The following RBFOX1 variants were observed in gnomAD, a reference collection of about 807,000 sequenced individuals.
RBFOX1 encodes the protein RNA binding protein fox-1 homolog 1.
RBFOX1 carries 8 observed loss-of-function variants against 57.7 expected under a neutral mutation model. The ratio of observed to expected loss-of-function variants is 0.14; its 90% CI spans 0.08 to 0.25. RBFOX1 has a LOEUF of 0.25. Ranked by LOEUF, RBFOX1 falls within the 10% of genes least tolerant of loss-of-function variation. The pLI is 1.00. For missense variants in RBFOX1, 611 were observed against 548.5 expected (o/e 1.11, Z -1.14); for synonymous variants, 326 against 222.4 (o/e 1.47, Z -4.15).
intron 3 of RBFOX1, among the ~76,000 whole-genome samples, chr16:6,682,052 A>G (rs1325825512): frequency 6.6e-6 from 1 of 152,130 alleles, no homozygotes; most frequent in Non-Finnish European, 1.5e-5. Context: ...GCTCATATCT[A>G]CTGGATCCAG....
chr16:6,981,449 T>A (rs1356643893), intron 3 of RBFOX1, among the ~76,000 whole-genome samples: 2 of 152,234 alleles, frequency 1.3e-5, no homozygotes, highest in African/African-American at 2.4e-5. Context: ...GGATGCATAG[T>A]ATTCCATGGT....
chr16:6,338,280 G>A (rs1405301890), intron 2 of RBFOX1, among the ~76,000 whole-genome samples: 5 of 152,146 alleles, frequency 3.3e-5, no homozygotes. Context: ...ATAAGCTTTT[G>A]AAGGGATTAT....
At chr16:5,849,950 T>A (rs1171683601) in intron 3 of RBFOX1, among the ~76,000 whole-genome samples, 1 of 152,200 alleles carries the variant, frequency 6.6e-6, no homozygotes, top group Non-Finnish European at 1.5e-5. Flanking sequence ...TTCGGATTTG[T>A]TTTCCTTTGC....
At chr16:6,942,324 C>A (rs1054953783) in intron 3 of RBFOX1, among the ~76,000 whole-genome samples, 1 of 152,138 alleles carries the variant, frequency 6.6e-6, no homozygotes, top group Non-Finnish European at 1.5e-5. Context: ...CACACCACCA[C>A]GCTCAGCTAA....
chr16:7,637,371 A>G lies in RBFOX1; in HGVS notation c.757+6688A>G, dbSNP rs142707716. Among the ~76,000 whole-genome samples, 93 of 152,260 alleles carry G rather than the reference A, an allele frequency of 6.1e-4. 2 individuals are homozygous for G. Among genetic ancestry groups the G allele is most frequent in the African/African-American group, 1.5e-3 (62 of 41,542 alleles). On this transcript the variant is annotated intron_variant, in intron 11 of 15. Transcript: ENST00000550418. ...ATCAATTCCTCATTTATTGACTTCT[A>G]TGAAACTCAAGGGCAGGTGGTAGGG...
intron 4 of RBFOX1, among the ~76,000 whole-genome samples, chr16:7,398,769 G>C (rs1299157473): frequency 6.6e-6 from 1 of 152,326 alleles, no homozygotes; most frequent in Non-Finnish European, 1.5e-5. Flanking sequence ...GCCCCATGTG[G>C]CTGGGGGCCA....
At chr16:7,390,296 A>G (rs539651136) in intron 4 of RBFOX1, among the ~76,000 whole-genome samples, 1 of 152,198 alleles carries the variant, frequency 6.6e-6, no homozygotes, top group Non-Finnish European at 1.5e-5. Flanking sequence ...GGGTCTAGAA[A>G]GGTAAACCAA....
chr16:7,366,490 A>G (rs2097451417), intron 4 of RBFOX1, among the ~76,000 whole-genome samples: 1 of 152,154 alleles, frequency 6.6e-6, no homozygotes, highest in East Asian at 1.9e-4. Flanking sequence ...ACCCTCCAGG[A>G]CAGACAGGCT....
chr16:6,434,675 C>G (rs187431602), intron 2 of RBFOX1, among the ~76,000 whole-genome samples: 4 of 152,322 alleles, frequency 2.6e-5, no homozygotes. Flanking sequence ...ATAAACACAT[C>G]TTCTCAGGTC....
intron 2 of RBFOX1, among the ~76,000 whole-genome samples, chr16:6,473,778 G>T (rs746539266): frequency 6.6e-6 from 1 of 152,170 alleles, no homozygotes; most frequent in Non-Finnish European, 1.5e-5. Flanking sequence ...GCTAGAGGCT[G>T]TTTGCGTGGG....
At chr16:5,417,731 A>C (rs1004140366) in intron 1 of RBFOX1, among the ~76,000 whole-genome samples, 5 of 152,186 alleles carry the variant, frequency 3.3e-5, no homozygotes, top group Non-Finnish European at 5.9e-5. Flanking sequence ...ATGTTGAATG[A>C]ATAGGTCCAG....
At chr16:6,879,425 C>G (rs1310507910) in intron 3 of RBFOX1, among the ~76,000 whole-genome samples, 1 of 152,148 alleles carries the variant, frequency 6.6e-6, no homozygotes, top group Non-Finnish European at 1.5e-5. Flanking sequence ...TTAGAATTTT[C>G]CCTTTACTTT....
In RBFOX1 at chr16:5,765,638, A is replaced by T. The variant is rs894966603; in HGVS notation, c.319-101665A>T. Among the ~76,000 whole-genome samples, 13 of 152,170 alleles carry T rather than the reference A, an allele frequency of 8.5e-5. 1 individual carries two copies. The East Asian group carries it at 2.5e-3, about 29-fold the overall frequency. Reference sequence around the variant, plus strand: ...GGATTCTCTGCAAACACTGTAAGAGATATGGTACTTTTTTGCAATTCAACC... The same window carrying T: ...GGATTCTCTGCAAACACTGTAAGAGTTATGGTACTTTTTTGCAATTCAACC... On this transcript the variant is annotated intron_variant, in intron 3 of 19. Coordinates refer to the RBFOX1 transcript ENST00000641259.
At chr16:7,689,297 C>G (rs1449683833) in intron 14 of RBFOX1, among the ~76,000 whole-genome samples, 1 of 152,074 alleles carries the variant, frequency 6.6e-6, no homozygotes, top group Admixed American at 6.6e-5. Flanking sequence ...CCACCCCCAA[C>G]CAAGCCTTCC....
At chr16:6,894,765 ATTATC>A (rs994693267) in intron 3 of RBFOX1, among the ~76,000 whole-genome samples, 3 of 152,112 alleles carry the variant, frequency 2.0e-5, no homozygotes, top group African/African-American at 4.8e-5. Context: ...ATTTTTTTCT[ATTATC>A]TTAAAAAGCC....
At chr16:6,405,458 C>T (rs747238162) in intron 2 of RBFOX1, among the ~76,000 whole-genome samples, 3 of 152,086 alleles carry the variant, frequency 2.0e-5, no homozygotes, top group South Asian at 2.1e-4. Flanking sequence ...ATCCCACCAC[C>T]GTATCATCTG....
At chr16:7,319,296 T>C (rs2096500356) in intron 4 of RBFOX1, among the ~76,000 whole-genome samples, 1 of 152,166 alleles carries the variant, frequency 6.6e-6, no homozygotes, top group Admixed American at 6.5e-5. Flanking sequence ...ATGAATGTGG[T>C]AAATATTTAA....
chr16:6,502,799 T>C (rs1476968), intron 2 of RBFOX1, among the ~76,000 whole-genome samples: 111,240 of 152,038 alleles, frequency 0.73, 41,447 homozygotes, highest in Non-Finnish European at 0.78. Context: ...GGATGTAAGA[T>C]ACTTCTTTCT....
chr16:6,183,342 C>T lies in RBFOX1; in HGVS notation c.-126-133653C>T, dbSNP rs570173372. 8.3e-4 allele frequency among the ~76,000 whole-genome samples: 125 copies of T among 151,452 alleles called. 2 individuals carry two copies. The South Asian group carries it at 0.022, about 27-fold the overall frequency. Reference sequence around the variant, plus strand: ...AAAAATACAAAAAATTAGCCAGGTGCGGTGCCATACTCCTGTAATCCCAGC... The same window carrying T: ...AAAAATACAAAAAATTAGCCAGGTGTGGTGCCATACTCCTGTAATCCCAGC... On this transcript the variant is annotated intron_variant, in intron 1 of 15. Transcript: ENST00000550418.
Sources: allele counts gnomAD v4.1 joint callset (sites outside exome capture counted in the v4.1 genomes callset), GRCh38; gene constraint gnomAD v4.1.1; transcripts MANE v1.5; gene names NCBI Gene and HGNC (gene_info 2026-07-23, HGNC 2026-07-21).